EMID1: variants seen among roughly 807,000 people sequenced by gnomAD.
The protein encoded by EMID1 is EMI domain containing 1, also known as EMI domain-containing protein 1.
In EMID1, 40 loss-of-function variants were observed where a neutral mutation model predicts 60.6. The ratio of observed to expected loss-of-function variants is 0.66; its 90% CI spans 0.51 to 0.86. The LOEUF is 0.86. EMID1 is among the 40% of genes least tolerant of loss of function. The pLI is 0.00. For missense variants in EMID1, 585 were observed against 597.1 expected (o/e 0.98, Z 0.21); for synonymous variants, 242 against 231.0 (o/e 1.05, Z -0.43).
chr22:29,249,915 C>A (rs890624853), intron 13 of EMID1, among the ~76,000 whole-genome samples: 1 of 152,060 alleles, frequency 6.6e-6, no homozygotes, highest in African/African-American at 2.4e-5. Flanking sequence ...ACGCCTGGCC[C>A]CCAAAATGCC....
intron 13 of EMID1, among the ~76,000 whole-genome samples, chr22:29,249,023 CT>C (rs1304887916): frequency 2.6e-5 from 4 of 152,082 alleles, no homozygotes; most frequent in African/African-American, 9.7e-5. Flanking sequence ...ATTTATAGAT[CT>C]TTTTTTCAAA....
intron 1 of EMID1, among the ~76,000 whole-genome samples, chr22:29,208,695 C>T (rs992930789): frequency 1.3e-5 from 2 of 152,204 alleles, no homozygotes; most frequent in African/African-American, 4.8e-5. Flanking sequence ...GTTTCCCCCT[C>T]TGTAAAATGC....
chr22:29,209,030 G>A (rs747457427), intron 1 of EMID1, among the ~76,000 whole-genome samples: 4 of 152,200 alleles, frequency 2.6e-5, no homozygotes, highest in Non-Finnish European at 5.9e-5. Context: ...CCCCTACTGC[G>A]GGGCTCTGGC....
chr22:29,251,185 A>G (rs2041515247), intron 13 of EMID1, among the ~76,000 whole-genome samples: 1 of 150,496 alleles, frequency 6.6e-6, no homozygotes. Context: ...CCTGGGCATC[A>G]ATCCTCCCAC....
At chr22:29,251,244 G>A (rs1471828085) in intron 13 of EMID1, among the ~76,000 whole-genome samples, 4 of 150,682 alleles carry the variant, frequency 2.7e-5, no homozygotes, top group East Asian at 2.0e-4. Flanking sequence ...ACCATGCCTG[G>A]CTAATTTTTG....
intron 5 of EMID1, among the ~76,000 whole-genome samples, chr22:29,228,652 G>GC (rs1242279913): frequency 1.3e-5 from 2 of 152,198 alleles, no homozygotes; most frequent in East Asian, 3.9e-4. Context: ...ATTGCAATCT[G>GC]CCGTGAGTTG....
chr22:29,216,664 C>T (rs2040093471), intron 3 of EMID1: 2 of 985,194 alleles, frequency 2.0e-6, no homozygotes, highest in African/African-American at 1.7e-5. Flanking sequence ...GCACACTTCA[C>T]CTCCCGGGGA....
intron 3 of EMID1, among the ~76,000 whole-genome samples, chr22:29,223,942 C>T (rs906674675): frequency 1.3e-5 from 2 of 152,246 alleles, no homozygotes; most frequent in Admixed American, 6.5e-5. Flanking sequence ...TATACAAGGT[C>T]CTTCACATGA....
At chr22:29,208,361 C>T (rs868844529) in intron 1 of EMID1, among the ~76,000 whole-genome samples, 8 of 152,170 alleles carry the variant, frequency 5.3e-5, no homozygotes, top group South Asian at 4.1e-4. Flanking sequence ...TGGAGACCCC[C>T]GGAACCAGGG....
intron 14 of EMID1, among the ~76,000 whole-genome samples, chr22:29,258,004 A>G (rs1377287284): frequency 6.6e-6 from 1 of 152,202 alleles, no homozygotes; most frequent in Non-Finnish European, 1.5e-5. Context: ...GGGCACTGGC[A>G]GTCATGATTA....
chr22:29,224,097 G>A (rs758947570), intron 3 of EMID1, among the ~76,000 whole-genome samples: 2 of 152,220 alleles, frequency 1.3e-5, no homozygotes, highest in Non-Finnish European at 2.9e-5. Flanking sequence ...AGGGTATGCT[G>A]GGGATGCAGG....
At chr22:29,246,655 G>A (rs990950765) in intron 13 of EMID1, among the ~76,000 whole-genome samples, 19 of 152,208 alleles carry the variant, frequency 1.2e-4, no homozygotes, top group Admixed American at 3.9e-4. Context: ...TTACAGCCAA[G>A]TAGGGTTGTC....
At chr22:29,255,376 G>A in intron 14 of EMID1, 4 of 1,438,032 alleles carry the variant, frequency 2.8e-6, no homozygotes, top group Non-Finnish European at 3.7e-6. Context: ...TGGCAGGGCG[G>A]GCAGGCAGGG....
chr22:29,226,381 G>A (rs1351764212), intron 4 of EMID1, 109 bp from the exon 5 acceptor site: 2 of 1,267,606 alleles, frequency 1.6e-6, no homozygotes. Flanking sequence ...GTGGGTTGGG[G>A]TCATCAGGTA....
chr22:29,254,413 G>A, intron 14 of EMID1, 126 bp downstream of exon 14: 1 of 886,166 alleles, frequency 1.1e-6, no homozygotes, highest in South Asian at 1.4e-5. Context: ...CCCCAGGCAA[G>A]CATGGACCTG....
chr22:29,214,972 C>T lies in EMID1; in HGVS notation c.148C>T (p.Gln50Ter). 6.4e-7 allele frequency: 1 copy of T among 1,552,612 alleles called. No individual in the cohort carries two copies. Among genetic ancestry groups the T allele is most frequent in the Non-Finnish European group, 8.7e-7 (1 of 1,146,600 alleles). The change falls in exon 2 of 15, where the codon CAG becomes TAG. Residue 50 changes from glutamine (Q) to a stop codon, truncating the protein, a stop_gained. Transcript: ENST00000334018. LOFTEE classifies it high-confidence loss of function. ...VVTRTISCHV[Q>*]NGTYLQRVLQ... ...GACCCGCACCATCTCATGCCATGTG[C>T]AGAATGGCACCTACCTTCAGCGAGT...
At chr22:29,214,089 G>A (rs943267589) in intron 1 of EMID1, among the ~76,000 whole-genome samples, 1 of 152,212 alleles carries the variant, frequency 6.6e-6, no homozygotes, top group Non-Finnish European at 1.5e-5. Context: ...ATTATTAGTT[G>A]GTGTTTGGAG....
intron 12 of EMID1, among the ~76,000 whole-genome samples, 197 bp downstream of exon 12, chr22:29,234,546 T>G (rs975434990): frequency 6.6e-6 from 1 of 152,156 alleles, no homozygotes; most frequent in Non-Finnish European, 1.5e-5. Flanking sequence ...GGCTCTCTGT[T>G]TCTCTGTATC....
At position 29,259,216 on chromosome 22, in the gene EMID1, T is replaced by C. The variant is rs2058075640; in HGVS notation, c.*272T>C. The stretch of plus-strand genomic sequence containing the variant: ...GGAGGGATAGAGGTACAAGGCTTCG[T>C]CTCATCTGCTGTCTGAGCATCCAGG... On this transcript the variant is annotated 3_prime_UTR_variant, in exon 15 of 15. Transcript: ENST00000334018. 2.1e-6 allele frequency: 1 copy of C among 476,378 alleles called. No individual in the cohort carries two copies. Among genetic ancestry groups the C allele is most frequent in the South Asian group, 2.6e-5 (1 of 38,114 alleles). 29.5% of individuals were successfully genotyped at this position (476,378 alleles called of 1,614,324 possible). A position where few individuals can be genotyped will look rare whatever the true frequency, so the allele number is the denominator to read the frequency against.
Sources: allele counts gnomAD v4.1 joint callset (sites outside exome capture counted in the v4.1 genomes callset), GRCh38; gene constraint gnomAD v4.1.1; transcripts MANE v1.5; gene names NCBI Gene and HGNC (gene_info 2026-07-23, HGNC 2026-07-21).